Variants in DPP10 observed in about 807,000 individuals in gnomAD.
DPP10 encodes the protein dipeptidyl peptidase like 10.
In DPP10, 33 loss-of-function variants were observed where a neutral mutation model predicts 120.9. The ratio of observed to expected loss-of-function variants is 0.27; its 90% CI spans 0.21 to 0.37. The LOEUF (loss-of-function observed/expected upper bound fraction) is 0.37, where lower values mean the gene tolerates loss of function less well. Ranked by LOEUF, DPP10 falls within the 10% of genes least tolerant of loss-of-function variation. The pLI is 1.00. For missense variants in DPP10, 816 were observed against 942.8 expected (o/e 0.87, Z 1.76); for synonymous variants, 337 against 326.1 (o/e 1.03, Z -0.36).
At chr2:114,825,952 C>T (rs1686494869) in intron 1 of DPP10, among the ~76,000 whole-genome samples, 1 of 152,154 alleles carries the variant, frequency 6.6e-6, no homozygotes, top group Admixed American at 6.6e-5. Flanking sequence ...CTGTTTTCAG[C>T]TTCAAATTAG....
At chr2:115,585,230 A>G (rs544703218) in intron 5 of DPP10, among the ~76,000 whole-genome samples, 1 of 152,284 alleles carries the variant, frequency 6.6e-6, no homozygotes, top group Admixed American at 6.5e-5. Context: ...GAAGTAAATT[A>G]ATCAGTTTAG....
At chr2:115,815,304 T>C (rs950975755) in intron 20 of DPP10, among the ~76,000 whole-genome samples, 1 of 152,222 alleles carries the variant, frequency 6.6e-6, no homozygotes, top group African/African-American at 2.4e-5. Context: ...TTAATCACAA[T>C]TCTTGAAGTT....
intron 7 of DPP10, among the ~76,000 whole-genome samples, chr2:115,697,298 AAATAT>A (rs1460893429): frequency 1.1e-4 from 17 of 152,178 alleles, no homozygotes; most frequent in African/African-American, 2.9e-4. Flanking sequence ...ATAAGTTTTA[AAATAT>A]AATATGATTC....
Position 115,603,572 on chromosome 2 carries a change from T to TTG in DPP10, c.441+77601_441+77602insGT, listed in dbSNP as rs68182105. Among the ~76,000 whole-genome samples, 6 of 145,336 alleles carry TTG rather than the reference T, an allele frequency of 4.1e-5. 1 individual carries two copies. The highest frequency in any genetic ancestry group is 4.0e-4 in the East Asian group (2 of 5,008). On this transcript the variant is annotated intron_variant, in intron 5 of 25. Transcript: ENST00000410059. ...TTTCGTTGTTGTTGTTTTTTTTTGT[T>TTG]TTTTTTTTTTTTGGATTTCTTGACA...
chr2:115,095,585 G>GTT (rs201649163), intron 1 of DPP10, among the ~76,000 whole-genome samples: 64 of 86,240 alleles, frequency 7.4e-4, no homozygotes, highest in Non-Finnish European at 1.1e-3. Context: ...TTTTTTTTTT[G>GTT]TTTTTTTTTT....
At chr2:114,618,910 A>T (rs1184969565) in intron 1 of DPP10, among the ~76,000 whole-genome samples, 6 of 152,158 alleles carry the variant, frequency 3.9e-5, no homozygotes, top group Middle Eastern at 3.4e-3. Context: ...TGTCTGGATG[A>T]AAGTCGTAAT....
chr2:115,424,785 C>T (rs1418008535), intron 3 of DPP10, among the ~76,000 whole-genome samples: 1 of 152,058 alleles, frequency 6.6e-6, no homozygotes, highest in East Asian at 1.9e-4. Flanking sequence ...AAGACCTCAC[C>T]TTTACTTCAT....
chr2:115,595,243 C>T lies in DPP10; in HGVS notation c.441+69271C>T, dbSNP rs76544803. 4.2e-3 allele frequency among the ~76,000 whole-genome samples: 645 copies of T among 152,190 alleles called. 27 individuals carry two copies. In the East Asian group the frequency reaches 0.08, roughly 19 times the overall value. ...CGAAGACAACTGAATCTGTCTTTCT[C>T]TTCCCTTTTTTTGCAGTTTACTCAA... is the stretch of plus-strand genomic sequence containing the variant. On this transcript the variant is annotated intron_variant, in intron 5 of 25. Transcript: ENST00000410059.
intron 1 of DPP10, among the ~76,000 whole-genome samples, chr2:114,529,583 G>A (rs1558848582): frequency 6.6e-6 from 1 of 152,062 alleles, no homozygotes; most frequent in Non-Finnish European, 1.5e-5. Flanking sequence ...AGTTTTGAAG[G>A]TCTTCTTTAA....
chr2:115,443,919 C>A (rs2072318253), intron 3 of DPP10, among the ~76,000 whole-genome samples: 1 of 152,122 alleles, frequency 6.6e-6, no homozygotes, highest in Non-Finnish European at 1.5e-5. Flanking sequence ...TGGCCTCTAA[C>A]CATTAGATGC....
chr2:115,622,157 T>A (rs1166246017), intron 5 of DPP10, among the ~76,000 whole-genome samples: 1 of 152,104 alleles, frequency 6.6e-6, no homozygotes. Context: ...ACATTAGCAA[T>A]CTCTCCCCAT....
intron 1 of DPP10, among the ~76,000 whole-genome samples, chr2:114,803,218 C>T (rs981950679): frequency 2.0e-5 from 3 of 152,166 alleles, no homozygotes. Flanking sequence ...CTTTCACCTA[C>T]CACCATGATT....
rs768582751 is a variant in DPP10 at position 115,689,927 on chromosome 2, C to T, written c.576+6C>T. The T allele has an allele frequency of 6.2e-6, 10 of 1,613,632 alleles. No homozygotes were observed. Among genetic ancestry groups the T allele is most frequent in the African/African-American group, 2.7e-5 (2 of 75,012 alleles). On this transcript the variant is annotated splice_donor_region_variant and intron_variant, in intron 7 of 25. Coordinates refer to ENST00000410059, the MANE Select transcript of DPP10 (RefSeq NM_020868.6). ...GTGTCCAAGGGCAGCAGCTGGTAAG[C>T]GCAGGCATTGGTATGCACTGAACAC...
intron 1 of DPP10, among the ~76,000 whole-genome samples, chr2:115,107,353 A>AGAAACAAGAAAGCC (rs1378589346): frequency 6.7e-6 from 1 of 150,182 alleles, no homozygotes; most frequent in Admixed American, 6.6e-5. Flanking sequence ...AAGAGAAAGG[A>AGAAACAAGAAAGCC]GAAACAAGAA....
intron 1 of DPP10, among the ~76,000 whole-genome samples, chr2:114,623,284 A>C (rs1264136670): frequency 1.3e-5 from 2 of 152,142 alleles, no homozygotes; most frequent in African/African-American, 4.8e-5. Flanking sequence ...AGACTCTATC[A>C]CAAATAGAAA....
chr2:114,790,581 G>A (rs1312240530), intron 1 of DPP10, among the ~76,000 whole-genome samples: 2 of 152,110 alleles, frequency 1.3e-5, no homozygotes, highest in Non-Finnish European at 2.9e-5. Flanking sequence ...GTCCGCAAAG[G>A]GAGATAAAGG....
At chr2:115,708,667 T>A (rs2092216282) in intron 7 of DPP10, among the ~76,000 whole-genome samples, 2 of 152,134 alleles carry the variant, frequency 1.3e-5, no homozygotes, top group Admixed American at 6.6e-5. Flanking sequence ...TCTAACCAAT[T>A]TTATATCTCT....
intron 3 of DPP10, among the ~76,000 whole-genome samples, chr2:115,383,904 A>G (rs1306752938): frequency 6.6e-6 from 1 of 152,180 alleles, no homozygotes; most frequent in Non-Finnish European, 1.5e-5. Flanking sequence ...AGACTGCTGT[A>G]TCTTTTTAAA....
At chr2:114,964,320 A>G (rs2104740224) in intron 1 of DPP10, among the ~76,000 whole-genome samples, 1 of 152,278 alleles carries the variant, frequency 6.6e-6, no homozygotes, top group Admixed American at 6.5e-5. Context: ...TCAATGCCCT[A>G]AGTGAACAGT....
Sources: gnomAD v4.1 joint callset for allele counts (sites outside exome capture counted in the v4.1 genomes callset) on GRCh38, gnomAD v4.1.1 for gene constraint, MANE v1.5 for transcripts, NCBI Gene and HGNC (gene_info 2026-07-23, HGNC 2026-07-21) for gene names.